TCF7L1: variants seen among roughly 807,000 people sequenced by gnomAD.
TCF7L1 encodes transcription factor 7 like 1, also known as transcription factor 7-like 1.
Under a neutral mutation model 63.7 loss-of-function variants are expected in TCF7L1, and 18 were observed. That is an observed-to-expected ratio of 0.28 (90% CI 0.20 to 0.42). The LOEUF is 0.42. TCF7L1 is among the 10% of genes least tolerant of loss of function. The pLI, the probability that TCF7L1 is intolerant of heterozygous loss-of-function variation, is 1.00. For missense variants in TCF7L1, 654 were observed against 779.3 expected (o/e 0.84, Z 1.91); for synonymous variants, 355 against 340.9 (o/e 1.04, Z -0.46).
chr2:85,237,226 T>C (rs1680212122), intron 3 of TCF7L1, among the ~76,000 whole-genome samples: 2 of 152,170 alleles, frequency 1.3e-5, no homozygotes, highest in Non-Finnish European at 2.9e-5. Flanking sequence ...TAGTGGTTTG[T>C]TGTGTTTTTT....
Position 85,266,688 on chromosome 2 carries a change from A to G in TCF7L1, c.442-16807A>G, listed in dbSNP as rs1680981133. The stretch of plus-strand genomic sequence containing the variant: ...TGTGGAGCTGTTGAGCATGCTCTGC[A>G]TGCCTTACGGCTTATCCATATTGAA... On this transcript the variant is annotated intron_variant, in intron 3 of 11. Transcript: ENST00000282111. Among the ~76,000 whole-genome samples the G allele has an allele frequency of 2.0e-5, 3 of 152,262 alleles. 1 individual carries two copies. The South Asian group carries it at 6.2e-4, about 31-fold the overall frequency.
intron 3 of TCF7L1, among the ~76,000 whole-genome samples, chr2:85,135,845 A>G (rs959684222): frequency 2.0e-5 from 3 of 150,594 alleles, no homozygotes; most frequent in Non-Finnish European, 4.4e-5. Flanking sequence ...TCCTGAATGT[A>G]AGTGTCAGTT....
At chr2:85,304,658 C>T (rs1050686508) in intron 7 of TCF7L1, among the ~76,000 whole-genome samples, 2 of 152,148 alleles carry the variant, frequency 1.3e-5, no homozygotes, top group East Asian at 1.9e-4. Flanking sequence ...CTGATAAACC[C>T]GTCGTACATT....
At chr2:85,208,810 A>G (rs921277932) in intron 3 of TCF7L1, among the ~76,000 whole-genome samples, 31 of 152,228 alleles carry the variant, frequency 2.0e-4, no homozygotes, top group Admixed American at 1.9e-3. Context: ...ATCTTGAGGA[A>G]GTAATAGATC....
chr2:85,260,700 C>G (rs374025926), intron 3 of TCF7L1, among the ~76,000 whole-genome samples: 1 of 151,722 alleles, frequency 6.6e-6, no homozygotes, highest in Middle Eastern at 3.5e-3. Context: ...TTTGTTAACC[C>G]GTGTGAAAGA....
intron 3 of TCF7L1, among the ~76,000 whole-genome samples, chr2:85,156,217 T>G (rs1421559855): frequency 6.6e-6 from 1 of 152,244 alleles, no homozygotes; most frequent in Non-Finnish European, 1.5e-5. Flanking sequence ...TATGGTCTCA[T>G]GTCGGTGAGC....
At chr2:85,257,000 T>A (rs926373122) in intron 3 of TCF7L1, among the ~76,000 whole-genome samples, 3 of 150,026 alleles carry the variant, frequency 2.0e-5, no homozygotes, top group African/African-American at 7.4e-5. Flanking sequence ...AAAAATTACA[T>A]ATTAAAAATT....
At chr2:85,148,710 G>A (rs1677936010) in intron 3 of TCF7L1, among the ~76,000 whole-genome samples, 1 of 150,432 alleles carries the variant, frequency 6.6e-6, no homozygotes, top group Non-Finnish European at 1.5e-5. Context: ...TTATTAAGAT[G>A]TTTAGTAGCC....
chr2:85,195,494 C>T (rs116061104), intron 3 of TCF7L1, among the ~76,000 whole-genome samples: 2,462 of 152,164 alleles, frequency 0.016, 73 homozygotes, highest in African/African-American at 0.056. Flanking sequence ...ATATGAAGAC[C>T]GATTTTCTTG....
intron 3 of TCF7L1, among the ~76,000 whole-genome samples, chr2:85,145,471 GCTTT>G (rs1356073699): frequency 1.3e-5 from 2 of 152,232 alleles, no homozygotes; most frequent in African/African-American, 4.8e-5. Flanking sequence ...TGGCAGTAGT[GCTTT>G]CTGATGTTTG....
At position 85,268,974 on chromosome 2, in the gene TCF7L1, G is replaced by A. The variant is rs1681079970; in HGVS notation, c.442-14521G>A. Among the ~76,000 whole-genome samples the A allele has an allele frequency of 3.3e-5, 5 of 152,054 alleles. 1 individual carries two copies. In the South Asian group the frequency reaches 1.0e-3, roughly 32 times the overall value. On this transcript the variant is annotated intron_variant, in intron 3 of 11. Coordinates refer to ENST00000282111, the MANE Select transcript of TCF7L1 (RefSeq NM_031283.3). The stretch of plus-strand genomic sequence containing the variant: ...ATTGAAAAAACACAGGACTTGATGG[G>A]CTAGATGACAAAGTGAGGAAGAAGG...
intron 3 of TCF7L1, among the ~76,000 whole-genome samples, chr2:85,140,987 G>C (rs1033505162): frequency 1.3e-5 from 2 of 151,932 alleles, no homozygotes; most frequent in Non-Finnish European, 2.9e-5. Context: ...AGATCGAGGA[G>C]TCAAGAGGAG....
chr2:85,176,048 C>T (rs1336127328), intron 3 of TCF7L1, among the ~76,000 whole-genome samples: 1 of 151,916 alleles, frequency 6.6e-6, no homozygotes, highest in Non-Finnish European at 1.5e-5. Context: ...GAAGCCATCT[C>T]CTCCTCTTTG....
chr2:85,184,051 T>C (rs1047373085), intron 3 of TCF7L1, among the ~76,000 whole-genome samples: 4 of 152,216 alleles, frequency 2.6e-5, no homozygotes, highest in Admixed American at 1.3e-4. Context: ...AAGCTAGGCC[T>C]AAGTTCTCTC....
At position 85,306,399 on chromosome 2, in the gene TCF7L1, G is replaced by A. The variant is rs767012220; in HGVS notation, c.1149+34G>A. Reference sequence around the variant, plus strand: ...TGCCCTCTCCCTCCAGGCCAGGGAGGCAGCGTCCCTGCATTGATGGCTCCG... The same window carrying A: ...TGCCCTCTCCCTCCAGGCCAGGGAGACAGCGTCCCTGCATTGATGGCTCCG... On this transcript the variant is annotated intron_variant, in intron 9 of 11. Coordinates refer to ENST00000282111, the MANE Select transcript of TCF7L1 (RefSeq NM_031283.3). This position sits in a 1 kb window ranked among gnomAD's most constrained non-coding sequence, Gnocchi z 4.3. 35 of 1,612,976 alleles carry A rather than the reference G, an allele frequency of 2.2e-5. No homozygotes were observed. In the South Asian group the frequency reaches 3.7e-4, roughly 17 times the overall value.
intron 3 of TCF7L1, among the ~76,000 whole-genome samples, chr2:85,264,132 A>G (rs769109988): frequency 1.1e-4 from 17 of 152,186 alleles, no homozygotes; most frequent in Non-Finnish European, 2.5e-4. Flanking sequence ...TCTCCAGCCA[A>G]TTGCACTGAT....
chr2:85,308,373 CTCCCTTTCACCT>C (rs1352024221), intron 11 of TCF7L1, among the ~76,000 whole-genome samples: 6 of 146,290 alleles, frequency 4.1e-5, no homozygotes, highest in South Asian at 2.1e-4. Flanking sequence ...TTCTTCCTCC[CTCCCTTTCACCT>C]TCCCTCCCAT....
chr2:85,142,448 G>GAA (rs1558614271), intron 3 of TCF7L1, among the ~76,000 whole-genome samples: 8 of 22,686 alleles, frequency 3.5e-4, no homozygotes, highest in African/African-American at 7.3e-4. Context: ...GTGTGTGTGT[G>GAA]TGTGTGTGTG....
chr2:85,169,198 T>TGACC (rs1678492228), intron 3 of TCF7L1, among the ~76,000 whole-genome samples: 1 of 152,120 alleles, frequency 6.6e-6, no homozygotes, highest in African/African-American at 2.4e-5. Flanking sequence ...TCAGCCTTCC[T>TGACC]TCTCATCAGT....
Sources: allele counts gnomAD v4.1 joint callset (sites outside exome capture counted in the v4.1 genomes callset), GRCh38; gene constraint gnomAD v4.1.1; non-coding constraint Gnocchi (gnomAD v3.1); transcripts MANE v1.5; gene names NCBI Gene and HGNC (gene_info 2026-07-23, HGNC 2026-07-21).